Variants in MSANTD2 observed in about 807,000 individuals in gnomAD.
The protein encoded by MSANTD2 is myb/SANT-like DNA-binding domain-containing protein 2.
Under a neutral mutation model 52.6 loss-of-function variants are expected in MSANTD2, and 19 were observed. The ratio of observed to expected loss-of-function variants is 0.36; its 90% CI spans 0.25 to 0.53. The LOEUF is 0.53. MSANTD2 is among the 20% of genes least tolerant of loss of function. MSANTD2 has a pLI of 0.91. For synonymous variants in MSANTD2, 291 were observed against 289.7 expected (o/e 1.00, Z -0.04); for missense variants, 558 against 716.3 (o/e 0.78, Z 2.52).
chr11:124,787,374 A>T (rs1010613311), intron 1 of MSANTD2, among the ~76,000 whole-genome samples: 2 of 152,188 alleles, frequency 1.3e-5, no homozygotes, highest in African/African-American at 4.8e-5. Flanking sequence ...AACGAATGCC[A>T]ACTTGACTTT....
Position 124,767,437 on chromosome 11 carries a change from G to C in MSANTD2, c.1419C>G (p.Ile473Met). Reference sequence around the variant, plus strand: ...CCTCAGCAATCCCGAGGTAGCAATAGATAATTCGGGTGGGTTCTATTTCCA... The same window carrying C: ...CCTCAGCAATCCCGAGGTAGCAATACATAATTCGGGTGGGTTCTATTTCCA... ...LQVEIEPTRI[I>M]YCYLGIAEVR... is the part of the protein sequence containing the mutation. The change falls in exon 4 of 4, where the codon ATC becomes ATG. Residue 473 changes from isoleucine to methionine, a missense_variant. Physicochemically the swap from Ile to Met is conservative, Grantham distance 10 (BLOSUM62 1). Around this residue, in one of 2 missense-constraint regions of MSANTD2, gnomAD observed 408 missense variants for 573.6 expected, o/e 0.71. Transcript: ENST00000374979. The surrounding 1 kb of genome is among the most constrained non-coding windows in gnomAD (Gnocchi z 6.5). 6.2e-7 allele frequency: 1 copy of C among 1,614,184 alleles called. No homozygotes were observed. The highest frequency in any genetic ancestry group is 8.5e-7 in the Non-Finnish European group (1 of 1,180,046).
intron 1 of MSANTD2, 84 bp downstream of exon 1, chr11:124,799,787 T>C: frequency 9.5e-7 from 1 of 1,049,004 alleles, no homozygotes; most frequent in Non-Finnish European, 1.3e-6. Context: ...AGCCCTGCCC[T>C]CAGACCGGCC....
chr11:124,799,776 G>T, intron 1 of MSANTD2, 95 bp downstream of exon 1: 1 of 861,152 alleles, frequency 1.2e-6, no homozygotes, highest in Non-Finnish European at 1.7e-6. Flanking sequence ...CCCCGGAGGA[G>T]AGCCCTGCCC....
chr11:124,768,474 T>A (rs2135226327), intron 3 of MSANTD2, among the ~76,000 whole-genome samples: 1 of 152,350 alleles, frequency 6.6e-6, no homozygotes, highest in South Asian at 2.1e-4. Context: ...TGAAAAATGC[T>A]GTATTTAGAA....
Position 124,799,476 on chromosome 11 carries a change from C to T in MSANTD2, c.510+395G>A, listed in dbSNP as rs550799099. The stretch of plus-strand genomic sequence containing the variant: ...CCCCCCCTTCTGCCCTTCCTCAATC[C>T]TGCCCCGGCCGGTAAGCCTCTGCCT... On this transcript the variant is annotated intron_variant, in intron 1 of 3. Transcript: ENST00000374979. 4.6e-5 allele frequency among the ~76,000 whole-genome samples: 7 copies of T among 152,364 alleles called. No homozygotes were observed. In the East Asian group the frequency reaches 1.2e-3, roughly 25 times the overall value.
At position 124,770,327 on chromosome 11, in the gene MSANTD2, T is replaced by C. The variant is rs520648; in HGVS notation, c.828-2299A>G. ...TTTTGTTTGTTTGTTTTTTTTTTTT[T>C]GGAGACAGGATCTTGCTCTGTCACC... On this transcript the variant is annotated intron_variant, in intron 3 of 3. Coordinates refer to ENST00000374979, the MANE Select transcript of MSANTD2 (RefSeq NM_001308027.2). Among the ~76,000 whole-genome samples the C allele has an allele frequency of 2.2e-5, 3 of 137,568 alleles. No individual in the cohort carries two copies. In the South Asian group the frequency reaches 6.6e-4, roughly 30 times the overall value. 90.2% of individuals were successfully genotyped at this position (137,568 alleles called of 152,430 possible).
intron 1 of MSANTD2, among the ~76,000 whole-genome samples, chr11:124,787,361 T>C (rs1193954056): frequency 1.3e-5 from 2 of 152,228 alleles, no homozygotes; most frequent in African/African-American, 2.4e-5. Context: ...TAAAGCATCA[T>C]TAAACGAATG....
intron 1 of MSANTD2, among the ~76,000 whole-genome samples, chr11:124,782,437 G>A (rs1290052656): frequency 6.6e-6 from 1 of 152,094 alleles, no homozygotes; most frequent in Non-Finnish European, 1.5e-5. Context: ...GGGCAACAGA[G>A]TGAGACCCCT....
At chr11:124,781,183 CAAA>C (rs373484883) in intron 1 of MSANTD2, among the ~76,000 whole-genome samples, 5 of 62,952 alleles carry the variant, frequency 7.9e-5, no homozygotes, top group Admixed American at 1.9e-4. Flanking sequence ...GTCTCTGTCT[CAAA>C]AAAAAAAAAA....
chr11:124,779,484 C>T lies in MSANTD2; in HGVS notation c.511-4510G>A, dbSNP rs1269447752. On this transcript the variant is annotated intron_variant, in intron 1 of 3. Transcript: ENST00000374979. The surrounding 1 kb of genome is among the most constrained non-coding windows in gnomAD (Gnocchi z 4.6). Reference sequence around the variant, plus strand: ...TAAAATATTCACCAGGACAAAAACACTGTTCTAGCTAACTGACCATACATG... The same window carrying T: ...TAAAATATTCACCAGGACAAAAACATTGTTCTAGCTAACTGACCATACATG... 1.3e-5 allele frequency among the ~76,000 whole-genome samples: 2 copies of T among 152,222 alleles called. No homozygotes were observed. The highest frequency in any genetic ancestry group is 2.9e-5 in the Non-Finnish European group (2 of 68,040).
intron 1 of MSANTD2, chr11:124,791,500 G>T: frequency 9.1e-7 from 1 of 1,104,658 alleles, no homozygotes; most frequent in Non-Finnish European, 1.4e-6. Context: ...ATGGCTGAGG[G>T]CAAGAGTTGG....
In MSANTD2 at chr11:124,793,253, T is replaced by C. The variant is rs533200497; in HGVS notation, c.510+6618A>G. ...AGCAAAAATTTCAAGAGACAGTTGA[T>C]AAAACTCACAAATAATGATTTAATG... On this transcript the variant is annotated intron_variant, in intron 1 of 3. Coordinates refer to ENST00000374979, the MANE Select transcript of MSANTD2 (RefSeq NM_001308027.2). Among the ~76,000 whole-genome samples the C allele has an allele frequency of 1.2e-3, 184 of 152,230 alleles. 1 individual carries two copies. Among genetic ancestry groups the C allele is most frequent in the Non-Finnish European group, 2.3e-3 (157 of 68,028 alleles).
Position 124,786,742 on chromosome 11 carries a change from C to A in MSANTD2, c.511-11768G>T, listed in dbSNP as rs141472842. ...ATTATCTCCAAGAATTTAAAAAATT[C>A]TTTTCATTTCAATGACAAGAAATAT... On this transcript the variant is annotated intron_variant, in intron 1 of 3. Transcript: ENST00000374979. 3.3e-3 allele frequency among the ~76,000 whole-genome samples: 509 copies of A among 152,260 alleles called. 1 individual carries two copies. The highest frequency in any genetic ancestry group is 0.01 in the Middle Eastern group (3 of 294).
chr11:124,782,918 T>C (rs1477059818), intron 1 of MSANTD2, among the ~76,000 whole-genome samples: 11 of 152,196 alleles, frequency 7.2e-5, no homozygotes, highest in Admixed American at 5.9e-4. Context: ...TGAAAATAGC[T>C]GGGCAAGGCT....
At chr11:124,785,210 T>C (rs1945118968) in intron 1 of MSANTD2, among the ~76,000 whole-genome samples, 1 of 152,264 alleles carries the variant, frequency 6.6e-6, no homozygotes, top group Admixed American at 6.5e-5. Flanking sequence ...ACATTTTCCT[T>C]ACATGGCTCA....
intron 1 of MSANTD2, 76 bp from the exon 2 acceptor site, chr11:124,775,050 C>T: frequency 7.4e-7 from 1 of 1,344,070 alleles, no homozygotes; most frequent in Non-Finnish European, 1.0e-6. Flanking sequence ...ATATTAATTA[C>T]TATTAGACAG....
At chr11:124,796,920 A>T (rs1311790453) in intron 1 of MSANTD2, among the ~76,000 whole-genome samples, 1 of 152,184 alleles carries the variant, frequency 6.6e-6, no homozygotes, top group Non-Finnish European at 1.5e-5. Context: ...GAGGTTTGAG[A>T]TTCTCTGAGA....
At chr11:124,786,506 A>G (rs1228909509) in intron 1 of MSANTD2, among the ~76,000 whole-genome samples, 1 of 152,210 alleles carries the variant, frequency 6.6e-6, no homozygotes, top group African/African-American at 2.4e-5. Flanking sequence ...GTCAAAAAGT[A>G]ATTCTACATT....
At chr11:124,771,809 C>T (rs1944533972) in intron 3 of MSANTD2, among the ~76,000 whole-genome samples, 2 of 152,148 alleles carry the variant, frequency 1.3e-5, no homozygotes, top group South Asian at 4.1e-4. Context: ...CTATCACAGC[C>T]CTTTTTGCCT....
Sources: allele counts gnomAD v4.1 joint callset (sites outside exome capture counted in the v4.1 genomes callset), GRCh38; gene constraint gnomAD v4.1.1; regional missense constraint gnomAD v4.1.1; non-coding constraint Gnocchi (gnomAD v3.1); transcripts MANE v1.5; gene names NCBI Gene and HGNC (gene_info 2026-07-23, HGNC 2026-07-21).